Variants in PEAK1 observed in about 807,000 individuals in gnomAD.
PEAK1 encodes the protein inactive tyrosine-protein kinase PEAK1.
In PEAK1, 54 loss-of-function variants were observed where a neutral mutation model predicts 124.7. That is an observed-to-expected ratio of 0.43 (90% CI 0.35 to 0.54). The LOEUF (loss-of-function observed/expected upper bound fraction) is 0.54, where lower values mean the gene tolerates loss of function less well. Ranked by LOEUF, PEAK1 falls within the 20% of genes least tolerant of loss-of-function variation. The probability of loss-of-function intolerance (pLI) is 0.01; values close to 1 mark genes in which losing one functional copy is unlikely to be tolerated. For synonymous variants in PEAK1, 719 were observed against 760.0 expected (o/e 0.95, Z 0.89); for missense variants, 2,046 against 2,134.5 (o/e 0.96, Z 0.82).
At position 77,252,543 on chromosome 15, in the gene PEAK1, AT is replaced by A. The variant is rs2060926435; in HGVS notation, c.-274-18del. 3.1e-6 allele frequency: 3 copies of A among 977,198 alleles called. No homozygotes were observed. The highest frequency in any genetic ancestry group is 1.8e-5 in the African/African-American group (1 of 57,046). 60.5% of individuals were successfully genotyped at this position (977,198 alleles called of 1,614,324 possible). ...CAATGTTTACTGCAAGAGAAAAAAA[AT>A]AGAGCAAAACTGGAGAGTAATATAA... On this transcript the variant is annotated intron_variant, in intron 5 of 9. Coordinates refer to ENST00000682557, the MANE Select transcript of PEAK1 (RefSeq NM_001385026.1).
intron 7 of PEAK1, chr15:77,178,078 T>G (rs1009536132): frequency 6.6e-6 from 1 of 152,150 alleles, no homozygotes; most frequent in African/African-American, 2.4e-5. Context: ...TTATATACCT[T>G]GCACAGAATA....
chr15:77,115,650 C>G (rs934468458), intron 9 of PEAK1, among the ~76,000 whole-genome samples: 1 of 152,190 alleles, frequency 6.6e-6, no homozygotes, highest in African/African-American at 2.4e-5. Context: ...CCAAAGCCTG[C>G]TCTTTCCACT....
intron 2 of PEAK1, among the ~76,000 whole-genome samples, chr15:77,325,293 C>A (rs957540140): frequency 6.6e-6 from 1 of 151,926 alleles, no homozygotes; most frequent in Non-Finnish European, 1.5e-5. Context: ...ACCTGTATTC[C>A]CAGCTATTCA....
chr15:77,311,868 T>C (rs773889418), intron 2 of PEAK1, among the ~76,000 whole-genome samples: 78 of 151,894 alleles, frequency 5.1e-4, no homozygotes, highest in Non-Finnish European at 1.5e-4. Context: ...AAATTTGAAC[T>C]TTACACTAGA....
intron 6 of PEAK1, among the ~76,000 whole-genome samples, chr15:77,216,669 C>G (rs2059161830): frequency 6.6e-6 from 1 of 152,216 alleles, no homozygotes; most frequent in Non-Finnish European, 1.5e-5. Flanking sequence ...TAATCTTGTT[C>G]TGCCCTAATT....
intron 7 of PEAK1, among the ~76,000 whole-genome samples, chr15:77,161,909 T>C (rs2055676997): frequency 7.5e-6 from 1 of 134,106 alleles, no homozygotes; most frequent in African/African-American, 2.9e-5. Context: ...GAGGTTGCAG[T>C]GAGCAGAGAT....
intron 1 of PEAK1, among the ~76,000 whole-genome samples, chr15:77,367,660 CAT>C (rs2068345069): frequency 6.6e-6 from 1 of 152,150 alleles, no homozygotes; most frequent in African/African-American, 2.4e-5. Context: ...CTTTGCTTTG[CAT>C]AAATATTACA....
intron 8 of PEAK1, among the ~76,000 whole-genome samples, chr15:77,145,181 G>A (rs2054085454): frequency 1.3e-5 from 2 of 152,174 alleles, no homozygotes; most frequent in African/African-American, 4.8e-5. Context: ...AGGTGCGGTG[G>A]CTCATGCCTG....
At chr15:77,267,331 TCTC>T (rs2061789987) in intron 5 of PEAK1, among the ~76,000 whole-genome samples, 2 of 151,860 alleles carry the variant, frequency 1.3e-5, no homozygotes, top group South Asian at 4.2e-4. Context: ...GTCCCAACCT[TCTC>T]CTCATCCTCC....
intron 9 of PEAK1, among the ~76,000 whole-genome samples, chr15:77,131,038 T>C (rs1408193788): frequency 4.6e-5 from 7 of 152,244 alleles, no homozygotes; most frequent in Admixed American, 4.6e-4. Flanking sequence ...ATGAAACCTA[T>C]GGCTTTCTGC....
intron 1 of PEAK1, among the ~76,000 whole-genome samples, chr15:77,413,834 G>C (rs1274298130): frequency 2.6e-5 from 4 of 152,156 alleles, no homozygotes; most frequent in African/African-American, 4.8e-5. Context: ...TTTTCTGTTT[G>C]TTTCTTTGAG....
At chr15:77,381,312 G>A (rs1474132622) in intron 1 of PEAK1, 2 of 859,864 alleles carry the variant, frequency 2.3e-6, no homozygotes, top group Non-Finnish European at 1.4e-6. Flanking sequence ...TTACGTGGGA[G>A]ACTGAGGCGA....
chr15:77,228,197 T>C (rs2059761584), intron 6 of PEAK1, among the ~76,000 whole-genome samples: 2 of 152,126 alleles, frequency 1.3e-5, no homozygotes, highest in South Asian at 4.1e-4. Context: ...ACATGTGCCA[T>C]GTTGGTGTGC....
chr15:77,334,286 C>T, intron 2 of PEAK1: 3 of 985,026 alleles, frequency 3.0e-6, no homozygotes, highest in East Asian at 2.3e-4. Context: ...ATCACTTGTG[C>T]ATAATAGTAA....
intron 8 of PEAK1, among the ~76,000 whole-genome samples, chr15:77,150,598 G>A (rs2054529860): frequency 6.6e-6 from 1 of 151,712 alleles, no homozygotes. Context: ...TGCCATGTTG[G>A]TGTGCTGCAC....
chr15:77,246,366 A>G (rs1210913267), intron 6 of PEAK1, among the ~76,000 whole-genome samples: 1 of 152,090 alleles, frequency 6.6e-6, no homozygotes, highest in Non-Finnish European at 1.5e-5. Context: ...GAGAGCTGAC[A>G]TCTTAATATT....
intron 8 of PEAK1, 158 bp downstream of exon 8, chr15:77,158,345 T>G: frequency 1.5e-6 from 1 of 664,574 alleles, no homozygotes; most frequent in Non-Finnish European, 2.6e-6. Context: ...CTAGTAAACA[T>G]CAGAACGTTT....
rs573904042 is a variant in PEAK1 at position 77,113,230 on chromosome 15, T to C, written c.*926A>G. 1 of 152,414 alleles carries C rather than the reference T, an allele frequency of 6.6e-6. No homozygotes were observed. Among genetic ancestry groups the C allele is most frequent in the Non-Finnish European group, 1.5e-5 (1 of 68,060 alleles). 9.4% of individuals were successfully genotyped at this position (152,414 alleles called of 1,614,324 possible). A position where few individuals can be genotyped will look rare whatever the true frequency, so the allele number is the denominator to read the frequency against. ...TGGCCAATTACTGCTCGGGGAAAAC[T>C]GCAAATGCTGACAGTTCTGACAGTA... On this transcript the variant is annotated 3_prime_UTR_variant, in exon 10 of 10. Coordinates refer to ENST00000682557, the MANE Select transcript of PEAK1 (RefSeq NM_001385026.1).
chr15:77,247,316 C>T (rs1436821119), intron 6 of PEAK1, among the ~76,000 whole-genome samples: 2 of 152,082 alleles, frequency 1.3e-5, no homozygotes, highest in East Asian at 3.9e-4. Context: ...TTAAGTGTTA[C>T]ATCAGCTCTA....
Sources: allele counts gnomAD v4.1 joint callset (sites outside exome capture counted in the v4.1 genomes callset), GRCh38; gene constraint gnomAD v4.1.1; transcripts MANE v1.5; gene names NCBI Gene and HGNC (gene_info 2026-07-23, HGNC 2026-07-21).